Variants in PTPRG observed in about 807,000 individuals in gnomAD.
PTPRG encodes the protein receptor-type tyrosine-protein phosphatase gamma.
In PTPRG, 102 loss-of-function variants were observed where a neutral mutation model predicts 165.3. That is an observed-to-expected ratio of 0.62 (90% CI 0.53 to 0.73). The LOEUF (loss-of-function observed/expected upper bound fraction) is 0.73, where lower values mean the gene tolerates loss of function less well. Ranked by LOEUF, PTPRG falls within the 30% of genes least tolerant of loss-of-function variation. The pLI is 0.00. For missense variants in PTPRG, 1,866 were observed against 1,861.4 expected, an observed-to-expected ratio of 1.00 and a Z score of -0.05; for synonymous variants, 675 against 669.5, an observed-to-expected ratio of 1.01 and a Z score of -0.13.
intron 7 of PTPRG, among the ~76,000 whole-genome samples, chr3:62,159,502 G>C (rs568471929): frequency 2.6e-5 from 4 of 152,254 alleles, no homozygotes; most frequent in African/African-American, 9.6e-5. Flanking sequence ...ACAAAAAACA[G>C]TTTGGGGCTT....
intron 2 of PTPRG, among the ~76,000 whole-genome samples, chr3:61,812,109 T>C (rs2035598070): frequency 6.6e-6 from 1 of 152,206 alleles, no homozygotes; most frequent in African/African-American, 2.4e-5. Context: ...ACGTGTGGTT[T>C]TGCAGGATGA....
intron 2 of PTPRG, among the ~76,000 whole-genome samples, chr3:61,811,676 G>A (rs192234740): frequency 1.3e-5 from 2 of 152,250 alleles, no homozygotes; most frequent in Non-Finnish European, 2.9e-5. Flanking sequence ...TTCATATCCT[G>A]ATTAACAAAG....
chr3:61,832,669 T>A (rs1468382821), intron 2 of PTPRG, among the ~76,000 whole-genome samples: 2 of 152,182 alleles, frequency 1.3e-5, no homozygotes, highest in African/African-American at 4.8e-5. Context: ...GCTCTGATCT[T>A]TGGTTTTTAC....
rs200988219 is a variant in PTPRG, at chr3:62,081,257, AAAACAAACAAAC to A, written c.615+3027_615+3038del. ...GGGCGACAGAGTGAGACTCCGTCTC[AAAACAAACAAAC>A]AAACAAACAAACAAACAAACAAACA... On this transcript the variant is annotated intron_variant, in intron 5 of 29. Transcript: ENST00000474889. 1.6e-3 allele frequency among the ~76,000 whole-genome samples: 153 copies of A among 98,626 alleles called. 5 individuals carry two copies. The highest frequency in any genetic ancestry group is 2.3e-3 in the South Asian group (8 of 3,536). The allele number at this position is 98,626 out of a possible 152,430, so 64.7% of individuals were successfully genotyped here.
chr3:61,809,700 A>G (rs2035517228), intron 2 of PTPRG, among the ~76,000 whole-genome samples: 1 of 152,214 alleles, frequency 6.6e-6, no homozygotes, highest in South Asian at 2.1e-4. Context: ...GTTATTCTGT[A>G]TTAATATGAA....
At chr3:61,859,485 C>G (rs547149894) in intron 2 of PTPRG, among the ~76,000 whole-genome samples, 1 of 152,102 alleles carries the variant, frequency 6.6e-6, no homozygotes, top group Non-Finnish European at 1.5e-5. Flanking sequence ...TCCCCCTATG[C>G]CTCTGTCCCC....
At chr3:62,145,296 C>G (rs1704078606) in intron 6 of PTPRG, among the ~76,000 whole-genome samples, 1 of 152,134 alleles carries the variant, frequency 6.6e-6, no homozygotes, top group South Asian at 2.1e-4. Flanking sequence ...GATTCAGTGA[C>G]TTACTGTACA....
chr3:62,017,110 C>A (rs1048262772), intron 4 of PTPRG, among the ~76,000 whole-genome samples: 1 of 152,144 alleles, frequency 6.6e-6, no homozygotes, highest in African/African-American at 2.4e-5. Context: ...ACTGTTGAAT[C>A]TTGGCTGCTA....
intron 2 of PTPRG, among the ~76,000 whole-genome samples, chr3:61,852,319 T>G (rs2036985530): frequency 6.6e-6 from 1 of 152,200 alleles, no homozygotes; most frequent in Admixed American, 6.5e-5. Flanking sequence ...TAATAAGGAT[T>G]ATTTTGACCT....
At chr3:61,790,493 TAG>T (rs2034838869) in intron 2 of PTPRG, among the ~76,000 whole-genome samples, 1 of 152,232 alleles carries the variant, frequency 6.6e-6, no homozygotes, top group Non-Finnish European at 1.5e-5. Context: ...GTGAGTGTAC[TAG>T]AGCTTTTGGA....
chr3:61,745,268 C>T (rs577518661), intron 1 of PTPRG, among the ~76,000 whole-genome samples: 2 of 152,128 alleles, frequency 1.3e-5, no homozygotes, highest in Non-Finnish European at 2.9e-5. Context: ...AGGATGGTCT[C>T]GATCTCTTGA....
At chr3:61,749,997 A>G (rs965054862) in intron 2 of PTPRG, 2 of 152,140 alleles carry the variant, frequency 1.3e-5, no homozygotes, top group African/African-American at 4.8e-5. Context: ...TACCTTATCT[A>G]TTGGCTTTTT....
intron 7 of PTPRG, among the ~76,000 whole-genome samples, chr3:62,164,006 G>A (rs67777071): frequency 0.14 from 20,921 of 152,174 alleles, 1,674 homozygotes; most frequent in East Asian, 0.35. Flanking sequence ...AGTATTGAAC[G>A]GAGACATTAC....
At chr3:62,039,615 T>G (rs1283197418) in intron 4 of PTPRG, among the ~76,000 whole-genome samples, 1 of 152,200 alleles carries the variant, frequency 6.6e-6, no homozygotes, top group African/African-American at 2.4e-5. Context: ...TGTACAGAAC[T>G]ATTGTTTACC....
intron 2 of PTPRG, among the ~76,000 whole-genome samples, chr3:61,939,992 T>C (rs2039579626): frequency 8.1e-6 from 1 of 123,598 alleles, no homozygotes; most frequent in Non-Finnish European, 1.6e-5. Context: ...TTGCCCAGGC[T>C]GGAGTACAGT....
In PTPRG at chr3:61,838,600, A is replaced by G. The variant is rs376740736; in HGVS notation, c.190+89618A>G. On this transcript the variant is annotated intron_variant, in intron 2 of 29. Transcript: ENST00000474889. ...ATAAAAACAGTCTGTTAAATAAGTG[A>G]TGGTATAAATCTGCTTGTATTTGGA... Among the ~76,000 whole-genome samples the G allele has an allele frequency of 3.9e-5, 6 of 152,338 alleles. No individual in the cohort carries two copies. The East Asian group carries it at 9.7e-4, about 25-fold the overall frequency.
rs905287406 is a variant in PTPRG, at chr3:62,214,476, G to A, written c.2156-4375G>A. 5.3e-5 allele frequency among the ~76,000 whole-genome samples: 8 copies of A among 152,222 alleles called. No individual in the cohort carries two copies. The highest frequency in any genetic ancestry group is 1.9e-4 in the African/African-American group (8 of 41,472). ...TGCAATATTATTACTTCCATTTACA[G>A]AGGAGGAGACTGAGGCACAACGAGG... On this transcript the variant is annotated intron_variant, in intron 12 of 29. Transcript: ENST00000474889. This position sits in a 1 kb window ranked among gnomAD's most constrained non-coding sequence, Gnocchi z 5.2.
At chr3:62,124,070 T>C (rs1703187508) in intron 5 of PTPRG, 3 of 518,322 alleles carry the variant, frequency 5.8e-6, no homozygotes, top group East Asian at 6.3e-5. Flanking sequence ...CTTCCCTTTT[T>C]TTTTTCTTTT....
intron 4 of PTPRG, among the ~76,000 whole-genome samples, chr3:62,016,630 C>T (rs1244754936): frequency 1.3e-5 from 2 of 152,204 alleles, no homozygotes; most frequent in Non-Finnish European, 2.9e-5. Context: ...CTCTCTTGCC[C>T]TTCACAATCC....
Sources: gnomAD v4.1 joint callset for allele counts (sites outside exome capture counted in the v4.1 genomes callset) on GRCh38, gnomAD v4.1.1 for gene constraint, Gnocchi (gnomAD v3.1) non-coding constraint, MANE v1.5 for transcripts, NCBI Gene and HGNC (gene_info 2026-07-23, HGNC 2026-07-21) for gene names.